Variants in CIP2A observed in about 807,000 individuals in gnomAD.
CIP2A encodes the protein protein CIP2A.
A neutral mutation model predicts 110.9 loss-of-function variants in CIP2A; 103 were observed. The observed-to-expected ratio is 0.93, with a 90% CI of 0.79 to 1.09. The LOEUF (loss-of-function observed/expected upper bound fraction) is 1.09. CIP2A is among the 50% of genes least tolerant of loss of function. The probability of loss-of-function intolerance (pLI) is 0.00; values close to 1 mark genes in which losing one functional copy is unlikely to be tolerated. For missense variants in CIP2A, 1,088 were observed against 1,038.4 expected, an observed-to-expected ratio of 1.05 and a Z score of -0.66; for synonymous variants, 381 against 361.6, an observed-to-expected ratio of 1.05 and a Z score of -0.61.
At chr3:108,561,446 G>A (rs1237911595) in intron 13 of CIP2A, among the ~76,000 whole-genome samples, 1 of 152,082 alleles carries the variant, frequency 6.6e-6, no homozygotes, top group African/African-American at 2.4e-5. Flanking sequence ...CACTTTGGGA[G>A]GATCACTTGA....
At position 108,569,452 on chromosome 3, in the gene CIP2A, T is replaced by C. The variant is rs753022603; in HGVS notation, c.1050A>G (p.Gln350=). The C allele has an allele frequency of 2.2e-5, 35 of 1,612,652 alleles. No individual in the cohort carries two copies. Among genetic ancestry groups the C allele is most frequent in the Non-Finnish European group, 3.0e-5 (35 of 1,179,280 alleles). Residue 350 remains glutamine (Q), a synonymous_variant, in exon 9 of 21, where the codon CAA becomes CAG. Coordinates refer to ENST00000295746, the MANE Select transcript of CIP2A (RefSeq NM_020890.3). Reference sequence around the variant, plus strand: ...AACAGTTTTCTGATCCGTCCAAAGGTTGGCTTAACCAGCGCAGTAGAGCCA... The same window carrying C: ...AACAGTTTTCTGATCCGTCCAAAGGCTGGCTTAACCAGCGCAGTAGAGCCA... The part of the protein sequence containing the change: ...PTVALLRWLS[Q]PLDGSENCSV...
At chr3:108,559,891 T>C in intron 15 of CIP2A, 24 bp from the exon 16 acceptor site, 1 of 1,594,642 alleles carries the variant, frequency 6.3e-7, no homozygotes. Flanking sequence ...TATCATTAAT[T>C]TTCATTTTAG....
chr3:108,585,845 TTG>T, intron 1 of CIP2A: 1 of 449,422 alleles, frequency 2.2e-6, no homozygotes, highest in East Asian at 7.0e-5. Flanking sequence ...GATTATTCCA[TTG>T]TTTTTTTTAC....
intron 1 of CIP2A, chr3:108,585,765 A>T: frequency 2.2e-6 from 1 of 456,392 alleles, no homozygotes; most frequent in South Asian, 1.6e-5. Context: ...AAGTTAAGGG[A>T]TTAAAGAAGG....
rs2083896666 is a variant in CIP2A at position 108,551,376 on chromosome 3, T to C, written c.2548-57A>G. ...ATTGAGAAGAAAAATAACTTTAATG[T>C]TTTCTCTATACATATATTTTAAGAT... On this transcript the variant is annotated intron_variant, in intron 20 of 20. Coordinates refer to ENST00000295746, the MANE Select transcript of CIP2A (RefSeq NM_020890.3). 4.6e-6 allele frequency: 6 copies of C among 1,297,500 alleles called. No individual in the cohort carries two copies. The African/African-American group carries it at 7.5e-5, about 16-fold the overall frequency. 80.4% of individuals were successfully genotyped at this position (1,297,500 alleles called of 1,614,324 possible). A position where few individuals can be genotyped will look rare whatever the true frequency, so the allele number is the denominator to read the frequency against.
At chr3:108,564,040 A>G (rs1170838440) in intron 12 of CIP2A, among the ~76,000 whole-genome samples, 1 of 152,056 alleles carries the variant, frequency 6.6e-6, no homozygotes, top group African/African-American at 2.4e-5. Context: ...CTTTAAAAAT[A>G]CATTGAGATA....
Position 108,560,675 on chromosome 3 carries a change from T to C in CIP2A, c.1801A>G (p.Ile601Val). ...ACCATTCCAGACTGAAGTTTCTCTA[T>C]TAATTCTTCAATATTCAATCCAGGA... ...GVPGLNIEEL[I>V]EKLQSGMVVK... Residue 601 changes from isoleucine to valine, a missense_variant, in exon 14 of 21, where the codon ATA (isoleucine) becomes GTA (valine). Physicochemically the swap from Ile to Val is conservative, Grantham distance 29. Coordinates refer to ENST00000295746, the MANE Select transcript of CIP2A (RefSeq NM_020890.3). 3 of 1,608,838 alleles carry C rather than the reference T, an allele frequency of 1.9e-6. No individual in the cohort carries two copies. Among genetic ancestry groups the C allele is most frequent in the Non-Finnish European group, 2.5e-6 (3 of 1,177,540 alleles).
rs1224425716 is a variant in CIP2A at position 108,574,279 on chromosome 3, ATTAAT to A, written c.894+1987_894+1991del. Reference sequence around the variant, plus strand: ...TGATATTTTTATTAATTAATAAAATATTAATTTAAATTATAATGCAATACTACTGT... The same window carrying A: ...TGATATTTTTATTAATTAATAAAATATTAAATTATAATGCAATACTACTGT... On this transcript the variant is annotated intron_variant, in intron 8 of 20. Transcript: ENST00000295746. 3.9e-5 allele frequency among the ~76,000 whole-genome samples: 6 copies of A among 152,122 alleles called. No individual in the cohort carries two copies. In the East Asian group the frequency reaches 7.7e-4, roughly 20 times the overall value.
chr3:108,575,019 C>T lies in CIP2A; in HGVS notation c.894+1252G>A, dbSNP rs369130970. 1.2e-4 allele frequency: 18 copies of T among 152,402 alleles called. No individual in the cohort carries two copies. The East Asian group carries it at 3.5e-3, about 30-fold the overall frequency. 9.4% of individuals were successfully genotyped at this position (152,402 alleles called of 1,614,324 possible). ...CAGATGGTTGTGAGGTCAAAAACAT[C>T]CACAAATGTGGCCCCCGGACAAGTG... On this transcript the variant is annotated intron_variant, in intron 8 of 20. Coordinates refer to ENST00000295746, the MANE Select transcript of CIP2A (RefSeq NM_020890.3).
chr3:108,582,349 C>A (rs1938911545), intron 3 of CIP2A, 147 bp from the exon 4 acceptor site: 1 of 415,642 alleles, frequency 2.4e-6, no homozygotes, highest in Non-Finnish European at 4.4e-6. Flanking sequence ...ATGTAAGAAC[C>A]TTAGGGCTCT....
At position 108,579,906 on chromosome 3, in the gene CIP2A, A is replaced by T. The variant is rs544313836; in HGVS notation, c.550-218T>A. The stretch of plus-strand genomic sequence containing the variant: ...GTTATAAAGAGAGTACCTACAGAAA[A>T]AAATAATTTGGTAAATGCGTGCAAA... On this transcript the variant is annotated intron_variant, in intron 5 of 20. Transcript: ENST00000295746. Among the ~76,000 whole-genome samples the T allele has an allele frequency of 1.3e-3, 201 of 152,350 alleles. 1 individual carries two copies. In the Middle Eastern group the frequency reaches 0.014, roughly 10 times the overall value.
chr3:108,569,337 T>C, intron 9 of CIP2A, 52 bp downstream of exon 9: 1 of 1,303,818 alleles, frequency 7.7e-7, no homozygotes, highest in South Asian at 1.2e-5. Flanking sequence ...AGACAAATTG[T>C]TAACTGAGAG....
intron 17 of CIP2A, among the ~76,000 whole-genome samples, chr3:108,556,788 A>G (rs1348255168): frequency 2.0e-5 from 3 of 152,164 alleles, no homozygotes; most frequent in African/African-American, 7.2e-5. Flanking sequence ...GAAATTGCCA[A>G]TATTCAACTA....
chr3:108,569,181 T>TATACACACACACAC lies in CIP2A; in HGVS notation c.1113+207_1113+208insGTGTGTGTGTGTAT. Among the ~76,000 whole-genome samples, 7 of 58,282 alleles carry TATACACACACACAC rather than the reference T, an allele frequency of 1.2e-4. 1 individual carries two copies. Among genetic ancestry groups the TATACACACACACAC allele is most frequent in the Middle Eastern group, 8.8e-3 (1 of 114 alleles). The allele number at this position is 58,282 out of a possible 152,430, so 38.2% of individuals were successfully genotyped here. ...CTGAAATGAGCACTATATATATATA[T>TATACACACACACAC]ACATACACACTACTCAGTGAAAAAA... On this transcript the variant is annotated intron_variant, in intron 9 of 20. Transcript: ENST00000295746.
chr3:108,583,509 A>G lies in CIP2A; in HGVS notation c.251-426T>C, dbSNP rs531730622. Among the ~76,000 whole-genome samples the G allele has an allele frequency of 1.6e-3, 239 of 152,334 alleles. 3 individuals carry two copies. The highest frequency in any genetic ancestry group is 2.7e-3 in the Non-Finnish European group (182 of 68,024). On this transcript the variant is annotated intron_variant, in intron 2 of 20. Transcript: ENST00000295746. Reference sequence around the variant, plus strand: ...CCAGACACAGAAAGAAAAATATTGCATGTATTCATTCATGTGTAGGAGCTA... The same window carrying G: ...CCAGACACAGAAAGAAAAATATTGCGTGTATTCATTCATGTGTAGGAGCTA...
chr3:108,557,140 A>G (rs1350456383), intron 17 of CIP2A, 78 bp downstream of exon 17: 1 of 891,366 alleles, frequency 1.1e-6, no homozygotes, highest in African/African-American at 1.7e-5. Context: ...TTACAAAAGG[A>G]TTTTCGGGTC....
intron 1 of CIP2A, among the ~76,000 whole-genome samples, chr3:108,587,118 T>A (rs973140401): frequency 6.6e-6 from 1 of 151,402 alleles, no homozygotes; most frequent in East Asian, 1.9e-4. Context: ...TTCAGAAAAT[T>A]GTTTGGCAGT....
At chr3:108,582,808 A>G (rs957548683) in intron 3 of CIP2A, among the ~76,000 whole-genome samples, 169 bp downstream of exon 3, 2 of 152,220 alleles carry the variant, frequency 1.3e-5, no homozygotes, top group African/African-American at 4.8e-5. Flanking sequence ...TTCTCTAGAA[A>G]CATTTAAATT....
Position 108,569,507 on chromosome 3 carries a change from C to G in CIP2A, c.995G>C (p.Gly332Ala). ...AGGTTCTAAACATTTAGTATGGCTT[C>G]CCAGAGTGGCGCTGCCAGGTGGAGA... ...EQSPPGSATL[G>A]SHTKCLEPTV... Residue 332 changes from glycine (G) to alanine (A), a missense_variant, in exon 9 of 21, where the codon GGA becomes GCA. Transcript: ENST00000295746. 6.2e-7 allele frequency: 1 copy of G among 1,612,756 alleles called. No individual in the cohort carries two copies. Among genetic ancestry groups the G allele is most frequent in the Non-Finnish European group, 8.5e-7 (1 of 1,179,316 alleles).
Sources: allele counts gnomAD v4.1 joint callset (sites outside exome capture counted in the v4.1 genomes callset), GRCh38; gene constraint gnomAD v4.1.1; transcripts MANE v1.5; gene names NCBI Gene and HGNC (gene_info 2026-07-23, HGNC 2026-07-21).